IL1RAPL1: variants seen among roughly 807,000 people sequenced by gnomAD.
The protein encoded by IL1RAPL1 is interleukin 1 receptor accessory protein like 1, also known as interleukin-1 receptor accessory protein-like 1.
A neutral mutation model predicts 48.4 loss-of-function variants in IL1RAPL1; 3 were observed. The ratio of observed to expected loss-of-function variants is 0.06; its 90% CI spans 0.03 to 0.16. IL1RAPL1 has a LOEUF of 0.16. IL1RAPL1 is among the 10% of genes least tolerant of loss of function. The probability of loss-of-function intolerance (pLI) is 1.00; values close to 1 mark genes in which losing one functional copy is unlikely to be tolerated. For missense variants in IL1RAPL1, 349 were observed against 530.6 expected, an observed-to-expected ratio of 0.66 and a Z score of 3.36; for synonymous variants, 185 against 187.7, an observed-to-expected ratio of 0.99 and a Z score of 0.12.
intron 3 of IL1RAPL1, among the ~76,000 whole-genome samples, chrX:29,348,381 A>G (rs1007521301): frequency 1.8e-5 from 2 of 112,263 alleles, no homozygotes; most frequent in East Asian, 2.8e-4. Flanking sequence ...TGTTGCACCT[A>G]TAATTGTAGT....
chrX:29,680,980 A>G (rs944588533), intron 6 of IL1RAPL1, among the ~76,000 whole-genome samples: 2 of 112,538 alleles, frequency 1.8e-5, no homozygotes, highest in Non-Finnish European at 3.7e-5. Flanking sequence ...GAAAAAATTA[A>G]TATGCTTTCT....
At chrX:29,357,478 C>G (rs1253710073) in intron 3 of IL1RAPL1, among the ~76,000 whole-genome samples, 3 of 111,976 alleles carry the variant, frequency 2.7e-5, no homozygotes, top group Non-Finnish European at 5.6e-5. Context: ...ATATGAAGAC[C>G]ACTGACATAT....
chrX:29,586,731 C>G (rs1406410514), intron 5 of IL1RAPL1, among the ~76,000 whole-genome samples: 1 of 110,958 alleles, frequency 9.0e-6, no homozygotes, highest in African/African-American at 3.3e-5. Context: ...TTGCCCTTTT[C>G]AGTGTACAAC....
chrX:29,350,529 A>G (rs977142797), intron 3 of IL1RAPL1, among the ~76,000 whole-genome samples: 3 of 106,614 alleles, frequency 2.8e-5, no homozygotes, highest in Non-Finnish European at 5.8e-5. Context: ...TTTTCCTCCC[A>G]CATCCAAGAT....
intron 2 of IL1RAPL1, among the ~76,000 whole-genome samples, chrX:29,136,463 T>C (rs1156571700): frequency 8.9e-6 from 1 of 111,766 alleles, no homozygotes; most frequent in Non-Finnish European, 1.9e-5. Context: ...TAAATAGGAC[T>C]CACTATTTAG....
intron 2 of IL1RAPL1, among the ~76,000 whole-genome samples, chrX:29,205,313 A>G (rs1482191945): frequency 1.8e-5 from 2 of 112,143 alleles, no homozygotes; most frequent in African/African-American, 3.2e-5. Context: ...CTATACTTAT[A>G]GTTGCAATTC....
At chrX:29,848,559 T>C (rs1345798463) in intron 6 of IL1RAPL1, among the ~76,000 whole-genome samples, 1 of 111,928 alleles carries the variant, frequency 8.9e-6, no homozygotes, top group Non-Finnish European at 1.9e-5. Flanking sequence ...TGATAAGGAC[T>C]TTCTATGAAA....
chrX:29,221,614 CACACAT>C (rs1398686477), intron 2 of IL1RAPL1, among the ~76,000 whole-genome samples: 88 of 56,408 alleles, frequency 1.6e-3, no homozygotes, highest in Non-Finnish European at 2.2e-3. Flanking sequence ...AATGTATACA[CACACAT>C]ACACACACAC....
At chrX:28,985,661 T>G (rs1267332281) in intron 2 of IL1RAPL1, among the ~76,000 whole-genome samples, 2 of 104,869 alleles carry the variant, frequency 1.9e-5, no homozygotes, top group African/African-American at 7.0e-5. Context: ...GAGCACATTT[T>G]TTTTTTTTTT....
At chrX:29,039,660 A>G (rs1039695691) in intron 2 of IL1RAPL1, among the ~76,000 whole-genome samples, 16 of 109,898 alleles carry the variant, frequency 1.5e-4, no homozygotes, top group African/African-American at 5.3e-4. Flanking sequence ...CCACTCTATC[A>G]CAAATGTTTT....
At chrX:29,079,534 A>G (rs1260214658) in intron 2 of IL1RAPL1, among the ~76,000 whole-genome samples, 1 of 109,583 alleles carries the variant, frequency 9.1e-6, no homozygotes, top group Non-Finnish European at 1.9e-5. Flanking sequence ...ACAATTTTAT[A>G]TGGTAGAGCT....
Position 29,154,673 on chromosome X carries a change from A to T in IL1RAPL1, c.83-128265A>T, listed in dbSNP as rs762801861. ...AATAAACATTACCTGTTGTAATCTG[A>T]ATATGTGATTGTAAAATGATTAAGC... On this transcript the variant is annotated intron_variant, in intron 2 of 10. Transcript: ENST00000378993. Among the ~76,000 whole-genome samples the T allele has an allele frequency of 2.7e-5, 3 of 112,037 alleles. No individual in the cohort carries two copies. In the South Asian group the frequency reaches 1.1e-3, roughly 42 times the overall value.
At chrX:29,836,522 T>A (rs1931010929) in intron 6 of IL1RAPL1, among the ~76,000 whole-genome samples, 1 of 112,122 alleles carries the variant, frequency 8.9e-6, no homozygotes, top group Non-Finnish European at 1.9e-5. Context: ...CAAGACATTT[T>A]TAAATTTTTC....
chrX:29,100,855 C>T (rs1422731396), intron 2 of IL1RAPL1, among the ~76,000 whole-genome samples: 1 of 111,552 alleles, frequency 9.0e-6, no homozygotes, highest in African/African-American at 3.3e-5. Context: ...TAACACATTG[C>T]CTTACAAAAA....
chrX:29,883,964 G>T (rs1601865351), intron 6 of IL1RAPL1, among the ~76,000 whole-genome samples: 1 of 111,900 alleles, frequency 8.9e-6, no homozygotes, highest in African/African-American at 3.2e-5. Flanking sequence ...AAACAAGATG[G>T]CTCACAGGGT....
chrX:29,343,055 A>G (rs55797583), intron 3 of IL1RAPL1, among the ~76,000 whole-genome samples: 1,366 of 112,335 alleles, frequency 0.012, 7 homozygotes, highest in Non-Finnish European at 0.02. Context: ...TGGAGATGAC[A>G]ATTCCTAAAC....
intron 6 of IL1RAPL1, among the ~76,000 whole-genome samples, chrX:29,693,210 G>A (rs1455277399): frequency 8.9e-6 from 1 of 111,995 alleles, no homozygotes; most frequent in East Asian, 2.8e-4. Context: ...ACCTTCCATA[G>A]GCAGCTGGTG....
At chrX:29,201,611 T>C (rs1240166880) in intron 2 of IL1RAPL1, among the ~76,000 whole-genome samples, 2 of 112,230 alleles carry the variant, frequency 1.8e-5, no homozygotes, top group East Asian at 5.5e-4. Flanking sequence ...GATAGCACTT[T>C]CCGTTTTCTT....
At chrX:29,270,815 A>C (rs1009328407) in intron 2 of IL1RAPL1, among the ~76,000 whole-genome samples, 6 of 111,699 alleles carry the variant, frequency 5.4e-5, no homozygotes, top group Non-Finnish European at 1.9e-5. Flanking sequence ...TTTGATTGTC[A>C]TTGTATTAAA....
Sources: allele counts gnomAD v4.1 joint callset (sites outside exome capture counted in the v4.1 genomes callset), GRCh38; gene constraint gnomAD v4.1.1; transcripts MANE v1.5; gene names NCBI Gene and HGNC (gene_info 2026-07-23, HGNC 2026-07-21).